Variants in TRAF3IP2 observed in about 807,000 individuals in gnomAD.
The protein encoded by TRAF3IP2 is TRAF3 interacting protein 2.
A neutral mutation model predicts 57.9 loss-of-function variants in TRAF3IP2; 35 were observed. That is an observed-to-expected ratio of 0.60 (90% CI 0.46 to 0.80). The LOEUF (loss-of-function observed/expected upper bound fraction) is 0.80. TRAF3IP2 is among the 30% of genes least tolerant of loss of function. The pLI is 0.00. For missense variants in TRAF3IP2, 556 were observed against 706.4 expected, an observed-to-expected ratio of 0.79 and a Z score of 2.41; for synonymous variants, 251 against 268.9, an observed-to-expected ratio of 0.93 and a Z score of 0.65.
intron 2 of TRAF3IP2, among the ~76,000 whole-genome samples, chr6:111,582,696 T>A (rs900891364): frequency 5.3e-5 from 8 of 152,184 alleles, no homozygotes; most frequent in Non-Finnish European, 1.0e-4. Flanking sequence ...GGGCCAGCCC[T>A]GCTTTTCAAT....
At chr6:111,585,395 G>A (rs936238440) in intron 2 of TRAF3IP2, among the ~76,000 whole-genome samples, 1 of 151,460 alleles carries the variant, frequency 6.6e-6, no homozygotes, top group Non-Finnish European at 1.5e-5. Flanking sequence ...CATGATTAAG[G>A]CTCACTCCTT....
At chr6:111,583,994 G>A (rs979682206) in intron 2 of TRAF3IP2, among the ~76,000 whole-genome samples, 5 of 152,210 alleles carry the variant, frequency 3.3e-5, no homozygotes, top group African/African-American at 1.2e-4. Flanking sequence ...AAAGTATCTT[G>A]AGAAGTTTTT....
intron 3 of TRAF3IP2, among the ~76,000 whole-genome samples, chr6:111,579,505 G>A (rs1796094124): frequency 6.6e-6 from 1 of 152,134 alleles, no homozygotes. Context: ...GGCCAAGGTG[G>A]GTGGATCACT....
chr6:111,580,047 C>A, intron 3 of TRAF3IP2, 150 bp downstream of exon 3: 1 of 861,458 alleles, frequency 1.2e-6, no homozygotes, highest in Non-Finnish European at 1.7e-6. Flanking sequence ...TTCCTCCTGA[C>A]CTGAAAAGTC....
In TRAF3IP2 at chr6:111,559,273, G is replaced by T; in HGVS notation, c.*132C>A. ...AGAGCTCTGCACAACAGGTTTCCTG[G>T]GGGCCAGAGGGCCTCTCGGGGAGGA... On this transcript the variant is annotated 3_prime_UTR_variant, in exon 9 of 9. Transcript: ENST00000368761. 1 of 1,290,276 alleles carries T rather than the reference G, an allele frequency of 7.8e-7. No homozygotes were observed. The highest frequency in any genetic ancestry group is 2.3e-5 in the Admixed American group (1 of 43,510). 79.9% of individuals were successfully genotyped at this position (1,290,276 alleles called of 1,614,324 possible).
At chr6:111,583,258 GA>G (rs952114113) in intron 2 of TRAF3IP2, among the ~76,000 whole-genome samples, 2 of 152,200 alleles carry the variant, frequency 1.3e-5, no homozygotes, top group Non-Finnish European at 2.9e-5. Context: ...TACAGAAAAA[GA>G]GAAGCCATTT....
At position 111,556,124 on chromosome 6, in the gene TRAF3IP2, C is replaced by T. The variant is rs1795232498; in HGVS notation, c.*3281G>A. 6.9e-6 allele frequency among the ~76,000 whole-genome samples: 1 copy of T among 144,652 alleles called. No individual in the cohort carries two copies. Among genetic ancestry groups the T allele is most frequent in the Non-Finnish European group, 1.5e-5 (1 of 66,178 alleles). The allele number at this position is 144,652 out of a possible 152,430, so 94.9% of individuals were successfully genotyped here. A position where few individuals can be genotyped will look rare whatever the true frequency, so the allele number is the denominator to read the frequency against. The stretch of plus-strand genomic sequence containing the variant: ...TCTCAAAAAAAAAAAAAAAAAAATG[C>T]TTTGATGTTGGTGGTCATCGGATCT... On this transcript the variant is annotated 3_prime_UTR_variant, in exon 9 of 9. Transcript: ENST00000368761.
rs769234530 is a variant in TRAF3IP2, at chr6:111,566,564, T to A, written c.1360-4A>T. The A allele has an allele frequency of 6.2e-7, 1 of 1,612,652 alleles. No homozygotes were observed. The highest frequency in any genetic ancestry group is 8.5e-7 in the Non-Finnish European group (1 of 1,178,666). On this transcript the variant is annotated splice_region_variant and splice_polypyrimidine_tract_variant and intron_variant, in intron 6 of 8. Coordinates refer to ENST00000368761, the MANE Select transcript of TRAF3IP2 (RefSeq NM_147686.4). ...CTACGATTATCATCACGGTCTTCTG[T>A]TAATGAGAGGGAGAAAGGCATGTTT...
intron 1 of TRAF3IP2, among the ~76,000 whole-genome samples, chr6:111,599,544 T>C (rs959530781): frequency 6.6e-6 from 1 of 152,192 alleles, no homozygotes; most frequent in African/African-American, 2.4e-5. Context: ...TTTTAATTTT[T>C]TTTTCTGTAC....
chr6:111,565,627 C>G (rs1326671945), intron 7 of TRAF3IP2, among the ~76,000 whole-genome samples: 1 of 152,100 alleles, frequency 6.6e-6, no homozygotes, highest in Non-Finnish European at 1.5e-5. Context: ...TGTCTCACAG[C>G]GTCTCTATAA....
At chr6:111,587,368 G>T (rs914890395) in intron 2 of TRAF3IP2, among the ~76,000 whole-genome samples, 1 of 152,050 alleles carries the variant, frequency 6.6e-6, no homozygotes, top group African/African-American at 2.4e-5. Flanking sequence ...TGATTCTCAT[G>T]CCTCAGCCTC....
At position 111,591,141 on chromosome 6, in the gene TRAF3IP2, G is replaced by T; in HGVS notation, c.829+117C>A. ...GGAAAGCCCCTAAGAGAAGCAGAAT[G>T]CCCTCCCTGCATTCTGACCTGTTCA... On this transcript the variant is annotated intron_variant, in intron 2 of 8. Coordinates refer to ENST00000368761, the MANE Select transcript of TRAF3IP2 (RefSeq NM_147686.4). This position sits in a 1 kb window ranked among gnomAD's most constrained non-coding sequence, Gnocchi z 4.9. 1.4e-6 allele frequency: 1 copy of T among 729,828 alleles called. No individual in the cohort carries two copies. Among genetic ancestry groups the T allele is most frequent in the Non-Finnish European group, 2.1e-6 (1 of 480,570 alleles). The allele number at this position is 729,828 out of a possible 1,614,324, so 45.2% of individuals were successfully genotyped here.
chr6:111,583,767 G>C (rs1159320429), intron 2 of TRAF3IP2, among the ~76,000 whole-genome samples: 2 of 152,162 alleles, frequency 1.3e-5, no homozygotes, highest in East Asian at 3.9e-4. Context: ...CCCATCCCCA[G>C]TCCATGGAAA....
chr6:111,559,638 C>T (rs2128368154), intron 8 of TRAF3IP2, 87 bp from the exon 9 acceptor site: 15 of 1,499,088 alleles, frequency 1.0e-5, no homozygotes, highest in South Asian at 5.0e-5. Context: ...ACATTTCTGG[C>T]TTTCCCTACA....
At chr6:111,596,040 TG>T (rs1192132706) in intron 1 of TRAF3IP2, among the ~76,000 whole-genome samples, 3 of 152,122 alleles carry the variant, frequency 2.0e-5, no homozygotes, top group Non-Finnish European at 4.4e-5. Context: ...GCTGCATGGC[TG>T]GCTTCCTTTC....
At chr6:111,601,301 A>C (rs768521071) in intron 1 of TRAF3IP2, 2 of 694,566 alleles carry the variant, frequency 2.9e-6, no homozygotes, top group Admixed American at 4.0e-5. Context: ...GAGGATACAG[A>C]TGAGGCTGCA....
chr6:111,575,446 G>T (rs1795949896), intron 4 of TRAF3IP2, among the ~76,000 whole-genome samples, 197 bp downstream of exon 4: 1 of 152,030 alleles, frequency 6.6e-6, no homozygotes, highest in East Asian at 1.9e-4. Context: ...AAATTAGCTG[G>T]GTGTGGTAGT....
chr6:111,583,916 G>A (rs191844206), intron 2 of TRAF3IP2, among the ~76,000 whole-genome samples: 1 of 152,152 alleles, frequency 6.6e-6, no homozygotes, highest in African/African-American at 2.4e-5. Context: ...AAGTAGGAAG[G>A]AGAAACACAA....
intron 2 of TRAF3IP2, 145 bp from the exon 3 acceptor site, chr6:111,580,534 A>G: frequency 1.7e-6 from 1 of 591,002 alleles, no homozygotes. Context: ...TGTTTGCCGT[A>G]TTTCTCTACT....
Sources: gnomAD v4.1 joint callset for allele counts (sites outside exome capture counted in the v4.1 genomes callset) on GRCh38, gnomAD v4.1.1 for gene constraint, Gnocchi (gnomAD v3.1) non-coding constraint, MANE v1.5 for transcripts, NCBI Gene and HGNC (gene_info 2026-07-23, HGNC 2026-07-21) for gene names.